EBF1: variants seen among roughly 807,000 people sequenced by gnomAD.
The protein encoded by EBF1 is transcription factor COE1.
In EBF1, 10 loss-of-function variants were observed where a neutral mutation model predicts 68.4. The observed-to-expected ratio is 0.15, with a 90% CI of 0.09 to 0.25. The LOEUF (loss-of-function observed/expected upper bound fraction) is 0.25. Among genes scored for constraint, EBF1 ranks in the 10% least tolerant of loss-of-function variants. EBF1 has a pLI of 1.00. For synonymous variants in EBF1, 298 were observed against 299.8 expected, an observed-to-expected ratio of 0.99 and a Z score of 0.06; for missense variants, 509 against 794.4, an observed-to-expected ratio of 0.64 and a Z score of 4.32.
intron 6 of EBF1, among the ~76,000 whole-genome samples, chr5:158,950,377 A>C (rs1815703864): frequency 6.6e-6 from 1 of 152,222 alleles, no homozygotes; most frequent in Non-Finnish European, 1.5e-5. Flanking sequence ...CATTTATTTC[A>C]CAACAAAACT....
intron 6 of EBF1, among the ~76,000 whole-genome samples, chr5:158,881,881 G>A (rs1798976259): frequency 6.6e-6 from 1 of 152,196 alleles, no homozygotes; most frequent in African/African-American, 2.4e-5. Context: ...CCTGGGGGCA[G>A]GAGGGGCTCA....
chr5:158,790,975 C>T lies in EBF1; in HGVS notation c.909+5370G>A, dbSNP rs182633364. ...AAGAAAAGGAGCAGTTTCCACCTGC[C>T]ACCACTGTCCCCTTCTGACTGTGGG... On this transcript the variant is annotated intron_variant, in intron 9 of 15. Transcript: ENST00000313708. Among the ~76,000 whole-genome samples the T allele has an allele frequency of 7.2e-4, 109 of 152,238 alleles. 1 individual carries two copies. The highest frequency in any genetic ancestry group is 6.7e-3 in the Admixed American group (102 of 15,284).
Position 159,095,753 on chromosome 5 carries a change from C to CA in EBF1, c.356-79dup, listed in dbSNP as rs1461434016. 6.2e-6 allele frequency: 9 copies of CA among 1,457,544 alleles called. No homozygotes were observed. In the East Asian group the frequency reaches 1.1e-4, roughly 18 times the overall value. The allele number at this position is 1,457,544 out of a possible 1,614,324, so 90.3% of individuals were successfully genotyped here. A position where few individuals can be genotyped will look rare whatever the true frequency, so the allele number is the denominator to read the frequency against. On this transcript the variant is annotated intron_variant, in intron 3 of 15. Coordinates refer to ENST00000313708, the MANE Select transcript of EBF1 (RefSeq NM_024007.5). ...GTGGGTGGACAATAATTAACAACAACAAAAAATAACAACAAAACCCCCACA... is the reference window on the plus strand; with the variant it reads ...GTGGGTGGACAATAATTAACAACAACAAAAAAATAACAACAAAACCCCCACA...
At chr5:158,857,872 A>G (rs1794330253) in intron 6 of EBF1, among the ~76,000 whole-genome samples, 1 of 152,212 alleles carries the variant, frequency 6.6e-6, no homozygotes. Context: ...TCACATAATT[A>G]ACAGAATTTA....
intron 4 of EBF1, among the ~76,000 whole-genome samples, chr5:159,091,424 T>C (rs1184516537): frequency 6.6e-6 from 1 of 152,224 alleles, no homozygotes; most frequent in African/African-American, 2.4e-5. Flanking sequence ...CAAGGAAATT[T>C]AAATCACCTG....
chr5:158,951,982 A>G (rs1419747803), intron 6 of EBF1, among the ~76,000 whole-genome samples: 2 of 152,166 alleles, frequency 1.3e-5, no homozygotes, highest in Admixed American at 1.3e-4. Flanking sequence ...AGCAGAAACA[A>G]ATGAAGTCGA....
At chr5:158,743,469 T>C (rs1766876927) in intron 10 of EBF1, among the ~76,000 whole-genome samples, 1 of 152,184 alleles carries the variant, frequency 6.6e-6, no homozygotes, top group African/African-American at 2.4e-5. Context: ...CAAGGAGTCA[T>C]TTAAGATTTT....
intron 6 of EBF1, among the ~76,000 whole-genome samples, chr5:158,883,953 C>A (rs1025399128): frequency 6.6e-6 from 1 of 152,168 alleles, no homozygotes; most frequent in South Asian, 2.1e-4. Context: ...AAGCACATAG[C>A]AAACTCAGCA....
intron 6 of EBF1, among the ~76,000 whole-genome samples, chr5:159,005,792 T>A (rs1265322071): frequency 6.6e-6 from 1 of 152,214 alleles, no homozygotes; most frequent in Non-Finnish European, 1.5e-5. Context: ...AAACTGCCTA[T>A]GACTTAATAA....
chr5:158,785,088 T>C (rs1777166561), intron 9 of EBF1, among the ~76,000 whole-genome samples: 1 of 152,188 alleles, frequency 6.6e-6, no homozygotes, highest in Admixed American at 6.5e-5. Flanking sequence ...AGGATAATAA[T>C]ATCCATCTCT....
At chr5:159,096,584 A>G in intron 2 of EBF1, 178 bp from the exon 3 acceptor site, 1 of 674,198 alleles carries the variant, frequency 1.5e-6, no homozygotes, top group Non-Finnish European at 2.6e-6. Context: ...CCTGTTCCTG[A>G]CTGCTCCCTC....
intron 6 of EBF1, among the ~76,000 whole-genome samples, chr5:158,989,181 C>G (rs1292684856): frequency 2.0e-5 from 3 of 152,228 alleles, no homozygotes; most frequent in Non-Finnish European, 4.4e-5. Context: ...ATCACAGCAG[C>G]TGGACAGCGA....
At chr5:159,048,996 A>G (rs368220704) in intron 6 of EBF1, among the ~76,000 whole-genome samples, 1 of 152,242 alleles carries the variant, frequency 6.6e-6, no homozygotes, top group East Asian at 1.9e-4. Flanking sequence ...AAAGGAGGTA[A>G]TAATGTACAT....
intron 6 of EBF1, among the ~76,000 whole-genome samples, chr5:158,840,645 GTTTTTTTTTTT>G (rs534374216): frequency 1.9e-4 from 12 of 64,816 alleles, no homozygotes; most frequent in African/African-American, 3.3e-4. Flanking sequence ...AATACCTCCT[GTTTTTTTTTTT>G]TTTTTTTTTT....
At chr5:158,742,600 G>A (rs573890358) in intron 10 of EBF1, among the ~76,000 whole-genome samples, 1 of 152,316 alleles carries the variant, frequency 6.6e-6, no homozygotes, top group African/African-American at 2.4e-5. Flanking sequence ...GTCTAGAGGG[G>A]CAGAAAGACA....
intron 6 of EBF1, among the ~76,000 whole-genome samples, chr5:159,008,064 A>G (rs1295957544): frequency 6.6e-6 from 1 of 152,170 alleles, no homozygotes; most frequent in Non-Finnish European, 1.5e-5. Flanking sequence ...CAGGTTCACT[A>G]CTCTTCAATA....
intron 6 of EBF1, among the ~76,000 whole-genome samples, chr5:158,978,823 C>T (rs1165790875): frequency 6.7e-6 from 1 of 149,064 alleles, no homozygotes; most frequent in Non-Finnish European, 1.5e-5. Flanking sequence ...CACACACACA[C>T]ACACACACAC....
intron 6 of EBF1, among the ~76,000 whole-genome samples, chr5:158,877,857 G>A (rs949057118): frequency 6.6e-5 from 10 of 151,902 alleles, no homozygotes; most frequent in African/African-American, 1.7e-4. Flanking sequence ...AATTAGGAAC[G>A]AAGTCATTTC....
In EBF1 at chr5:158,861,744, G is replaced by T. The variant is rs549270072; in HGVS notation, c.555-21634C>A. On this transcript the variant is annotated intron_variant, in intron 6 of 15. Transcript: ENST00000313708. ...GATGCATCACCTTGCCTTTTCTTTG[G>T]TTATGTGGCATCTTACATAGAGACA... 7.9e-5 allele frequency among the ~76,000 whole-genome samples: 12 copies of T among 151,880 alleles called. No individual in the cohort carries two copies. In the South Asian group the frequency reaches 2.5e-3, roughly 32 times the overall value.
Sources: allele counts gnomAD v4.1 joint callset (sites outside exome capture counted in the v4.1 genomes callset), GRCh38; gene constraint gnomAD v4.1.1; transcripts MANE v1.5; gene names NCBI Gene and HGNC (gene_info 2026-07-23, HGNC 2026-07-21).